The following MAP1LC3A variants were observed in gnomAD, a reference collection of about 807,000 sequenced individuals.
The protein encoded by MAP1LC3A is microtubule associated protein 1 light chain 3 alpha.
MAP1LC3A carries 10 observed loss-of-function variants against 15.2 expected under a neutral mutation model. That is an observed-to-expected ratio of 0.66 (90% CI 0.41 to 1.12). MAP1LC3A has a LOEUF of 1.12. MAP1LC3A is among the 50% of genes most tolerant of loss of function. MAP1LC3A has a pLI of 0.00. For missense variants in MAP1LC3A, 138 were observed against 167.3 expected (o/e 0.82, Z 0.97); for synonymous variants, 63 against 64.3 (o/e 0.98, Z 0.10).
upstream of MAP1LC3A, among the ~76,000 whole-genome samples, chr20:34,555,826 C>A (rs370602129): frequency 8.0e-5 from 12 of 149,638 alleles, 1 homozygote; most frequent in East Asian, 2.2e-3. Context: ...CTGCCATGGC[C>A]CCCCTCCCAA....
chr20:34,559,158 C>T, intron 1 of MAP1LC3A, 50 bp from the exon 2 acceptor site: 2 of 1,491,930 alleles, frequency 1.3e-6, no homozygotes, highest in Admixed American at 2.2e-5. Context: ...ACAGGCGGGG[C>T]GGACCTGGGC....
intron 3 of MAP1LC3A, 110 bp downstream of exon 3, chr20:34,559,563 C>T: frequency 1.6e-6 from 2 of 1,267,482 alleles, no homozygotes; most frequent in South Asian, 1.3e-5. Context: ...GCGGTGGGCC[C>T]CTGTTCTGGG....
upstream of MAP1LC3A, chr20:34,558,340 GC>G: frequency 1.0e-6 from 1 of 986,830 alleles, no homozygotes; most frequent in Non-Finnish European, 1.2e-6. The surrounding 1 kb of genome is among the most constrained non-coding windows in gnomAD (Gnocchi z 4.3). Flanking sequence ...CTCGCCCTAA[GC>G]CCCGTGAAGG....
At chr20:34,547,297 G>A (rs915412157) in intron 1 of MAP1LC3A, among the ~76,000 whole-genome samples, 7 of 152,022 alleles carry the variant, frequency 4.6e-5, no homozygotes, top group Non-Finnish European at 8.8e-5. Flanking sequence ...TGGGACTTTT[G>A]GAAGTAATTA....
chr20:34,547,959 G>C (rs1454300344), intron 1 of MAP1LC3A, among the ~76,000 whole-genome samples: 1 of 152,144 alleles, frequency 6.6e-6, no homozygotes, highest in Admixed American at 6.5e-5. Context: ...GCTCGGCCTT[G>C]CTTCTGCAGG....
In MAP1LC3A at chr20:34,558,884, C is replaced by A. The variant is rs2146679714; in HGVS notation, c.16C>A (p.Pro6Thr). 7.0e-7 allele frequency: 1 copy of A among 1,429,454 alleles called. No homozygotes were observed. The highest frequency in any genetic ancestry group is 9.1e-7 in the Non-Finnish European group (1 of 1,096,610). 88.5% of individuals were successfully genotyped at this position (1,429,454 alleles called of 1,614,324 possible). A position where few individuals can be genotyped will look rare whatever the true frequency, so the allele number is the denominator to read the frequency against. Residue 6 changes from proline to threonine, a missense_variant, in exon 1 of 4, where the codon CCT (proline) becomes ACT (threonine). By Grantham distance (38) the Pro-to-Thr change is conservative. Coordinates refer to ENST00000360668, the MANE Select transcript of MAP1LC3A (RefSeq NM_032514.4). This position sits in a 1 kb window ranked among gnomAD's most constrained non-coding sequence, Gnocchi z 4.3. MPSDR[P>T]FKQRRSFADR... ...GGCCCGCGCGATGCCCTCAGACCGG[C>A]CTTTCAAGCAGCGGCGGAGCTTCGG...
intron 1 of MAP1LC3A, among the ~76,000 whole-genome samples, chr20:34,549,522 C>T (rs1448427138): frequency 6.6e-6 from 1 of 152,170 alleles, no homozygotes; most frequent in African/African-American, 2.4e-5. Flanking sequence ...CAAGAACCAG[C>T]CGGTGGTAGA....
chr20:34,549,324 C>G (rs1013359232), intron 1 of MAP1LC3A, among the ~76,000 whole-genome samples: 1 of 152,232 alleles, frequency 6.6e-6, no homozygotes, highest in African/African-American at 2.4e-5. Context: ...CCATGGTCAG[C>G]CTTCACTTTG....
chr20:34,558,746 G>C lies in MAP1LC3A; in HGVS notation c.-123G>C. ...CGAGTTACCTCCCGCAGCCGCAGCC[G>C]CCGTGCTCAGCGCGAGCCCCGGAGC... On this transcript the variant is annotated 5_prime_UTR_variant, in exon 1 of 4. Transcript: ENST00000360668. The surrounding 1 kb of genome is among the most constrained non-coding windows in gnomAD (Gnocchi z 4.3). 7.6e-7 allele frequency: 1 copy of C among 1,318,052 alleles called. No homozygotes were observed. The highest frequency in any genetic ancestry group is 9.6e-7 in the Non-Finnish European group (1 of 1,039,648). 81.6% of individuals were successfully genotyped at this position (1,318,052 alleles called of 1,614,324 possible).
chr20:34,559,935 G>T lies in MAP1LC3A; in HGVS notation c.*37G>T, dbSNP rs778028533. ...GGGGGCTCGGCCTGGGAGTCGGGCG[G>T]CCCCGGTCAGGCCCTGCCCAGAGAG... is the stretch of plus-strand genomic sequence containing the variant. On this transcript the variant is annotated 3_prime_UTR_variant, in exon 4 of 4. Coordinates refer to ENST00000360668, the MANE Select transcript of MAP1LC3A (RefSeq NM_032514.4). 119 of 1,583,604 alleles carry T rather than the reference G, an allele frequency of 7.5e-5. No homozygotes were observed. The African/African-American group carries it at 9.3e-4, about 12-fold the overall frequency.
At chr20:34,550,049 C>T (rs774933266) in intron 2 of MAP1LC3A, 16 of 1,613,448 alleles carry the variant, frequency 9.9e-6, no homozygotes, top group Middle Eastern at 1.7e-4. Context: ...GCCCGCCTGC[C>T]GTTGTGTGAA....
intron 1 of MAP1LC3A, among the ~76,000 whole-genome samples, chr20:34,548,064 T>C (rs1340551017): frequency 6.6e-6 from 1 of 151,850 alleles, no homozygotes; most frequent in Non-Finnish European, 1.5e-5. Context: ...ACAGATGGGC[T>C]TGAGAGGACT....
intron 2 of MAP1LC3A, 39 bp downstream of exon 2, chr20:34,559,302 C>G (rs1421619178): frequency 6.3e-7 from 1 of 1,575,304 alleles, no homozygotes; most frequent in Non-Finnish European, 8.6e-7. Context: ...GCCCCCGCCT[C>G]GCGCGTTCCC....
At chr20:34,552,809 G>C (rs1981995690) in intron 2 of MAP1LC3A, among the ~76,000 whole-genome samples, 1 of 152,250 alleles carries the variant, frequency 6.6e-6, no homozygotes, top group African/African-American at 2.4e-5. Flanking sequence ...GAATCTTGAA[G>C]GTGGAACAGA....
At chr20:34,548,411 G>A (rs1290725486) in intron 1 of MAP1LC3A, among the ~76,000 whole-genome samples, 7 of 152,334 alleles carry the variant, frequency 4.6e-5, no homozygotes, top group African/African-American at 1.2e-4. Context: ...AGGTCACGGA[G>A]GGAGAAGGGT....
chr20:34,559,778 G>T lies in MAP1LC3A; in HGVS notation c.246G>T (p.Leu82=), dbSNP rs770210518. 3.1e-6 allele frequency: 5 copies of T among 1,613,328 alleles called. No individual in the cohort carries two copies. In the South Asian group the frequency reaches 5.5e-5, roughly 18 times the overall value. The change falls in exon 4 of 4, where the codon CTG becomes CTT. Residue 82 remains leucine, a synonymous_variant. Coordinates refer to ENST00000360668, the MANE Select transcript of MAP1LC3A (RefSeq NM_032514.4). ...QLNPTQAFFL[L]VNQHSMVSVS... is the part of the protein sequence containing the mutation. ...ACCCCACGCAGGCCTTCTTCCTGCT[G>T]GTGAACCAGCACAGCATGGTGAGTG...
At chr20:34,554,667 C>T (rs377220762), upstream of MAP1LC3A, among the ~76,000 whole-genome samples, 46 of 147,122 alleles carry the variant, frequency 3.1e-4, 1 homozygote, top group East Asian at 5.8e-3. Flanking sequence ...ACACCGCGCC[C>T]GGCCTGTTTT....
chr20:34,558,547 G>T (rs1429824799), upstream of MAP1LC3A: 2 of 1,142,578 alleles, frequency 1.8e-6, no homozygotes, highest in African/African-American at 1.6e-5. This position sits in a 1 kb window ranked among gnomAD's most constrained non-coding sequence, Gnocchi z 4.3. Flanking sequence ...CGCTGCCCAT[G>T]ACGTCACGGG....
At chr20:34,549,666 AG>A (rs1981872366) in intron 1 of MAP1LC3A, among the ~76,000 whole-genome samples, 1 of 152,138 alleles carries the variant, frequency 6.6e-6, no homozygotes, top group African/African-American at 2.4e-5. Flanking sequence ...ATCCTAATTC[AG>A]GGGGCGGGTT....
Sources: gnomAD v4.1 joint callset for allele counts (sites outside exome capture counted in the v4.1 genomes callset) on GRCh38, gnomAD v4.1.1 for gene constraint, Gnocchi (gnomAD v3.1) non-coding constraint, MANE v1.5 for transcripts, NCBI Gene and HGNC (gene_info 2026-07-23, HGNC 2026-07-21) for gene names.